The following MTMR7 variants were observed in gnomAD, a reference collection of about 807,000 sequenced individuals.
The protein encoded by MTMR7 is myotubularin related protein 7.
MTMR7 carries 76 observed loss-of-function variants against 81.2 expected under a neutral mutation model. The ratio of observed to expected loss-of-function variants is 0.94; its 90% CI spans 0.78 to 1.13. The LOEUF (loss-of-function observed/expected upper bound fraction) is 1.13. Among genes scored for constraint, MTMR7 ranks in the 50% most tolerant of loss-of-function variants. The probability of loss-of-function intolerance (pLI) is 0.00; values close to 1 mark genes in which losing one functional copy is unlikely to be tolerated. For synonymous variants in MTMR7, 372 were observed against 289.8 expected (o/e 1.28, Z -2.88); for missense variants, 1,044 against 820.0 (o/e 1.27, Z -3.34).
chr8:17,318,933 C>G (rs149482912), intron 7 of MTMR7, among the ~76,000 whole-genome samples: 25 of 152,374 alleles, frequency 1.6e-4, no homozygotes, highest in Admixed American at 3.3e-4. Context: ...CTCCTGAAAA[C>G]AAGAGCACTG....
intron 7 of MTMR7, among the ~76,000 whole-genome samples, chr8:17,323,152 C>T (rs1393540944): frequency 1.3e-5 from 2 of 151,484 alleles, no homozygotes; most frequent in Non-Finnish European, 2.9e-5. Context: ...TTCACCATGT[C>T]GGACAGCAGG....
chr8:17,372,984 A>T, intron 2 of MTMR7, 134 bp downstream of exon 2: 2 of 1,064,314 alleles, frequency 1.9e-6, no homozygotes, highest in Non-Finnish European at 2.7e-6. Flanking sequence ...CCAAACACAC[A>T]TTCCAGAAAC....
chr8:17,363,517 G>T (rs897998434), intron 3 of MTMR7, among the ~76,000 whole-genome samples: 1 of 152,178 alleles, frequency 6.6e-6, no homozygotes, highest in African/African-American at 2.4e-5. Context: ...ATTACAGCAA[G>T]AATAATTTAT....
intron 5 of MTMR7, among the ~76,000 whole-genome samples, chr8:17,346,924 G>A (rs1186193819): frequency 6.7e-6 from 1 of 149,430 alleles, no homozygotes; most frequent in African/African-American, 2.5e-5. Context: ...GCAAGGGGCG[G>A]CGCCTCACAC....
chr8:17,346,683 G>A (rs1819561006), intron 5 of MTMR7, among the ~76,000 whole-genome samples: 1 of 151,748 alleles, frequency 6.6e-6, no homozygotes, highest in African/African-American at 2.4e-5. Context: ...TAGGCACACT[G>A]TGCTCACTTT....
chr8:17,403,325 G>A (rs1448223643), intron 1 of MTMR7, among the ~76,000 whole-genome samples: 1 of 152,138 alleles, frequency 6.6e-6, no homozygotes, highest in African/African-American at 2.4e-5. Flanking sequence ...ACCATTTATT[G>A]AAGAGACTGT....
At chr8:17,315,880 G>A (rs1490838704) in intron 7 of MTMR7, among the ~76,000 whole-genome samples, 1 of 152,106 alleles carries the variant, frequency 6.6e-6, no homozygotes, top group African/African-American at 2.4e-5. Flanking sequence ...AGACTGAGTG[G>A]CACATGCCTA....
chr8:17,339,553 G>A (rs569608015), intron 6 of MTMR7, among the ~76,000 whole-genome samples: 1 of 152,120 alleles, frequency 6.6e-6, no homozygotes, highest in African/African-American at 2.4e-5. Context: ...CACTTTCAAG[G>A]TTCCTCCATG....
chr8:17,368,318 G>A (rs1346097986), intron 3 of MTMR7, among the ~76,000 whole-genome samples: 2 of 152,170 alleles, frequency 1.3e-5, no homozygotes, highest in Admixed American at 1.3e-4. Context: ...CCTGTCTGCG[G>A]CCCAGGGGTT....
intron 1 of MTMR7, among the ~76,000 whole-genome samples, chr8:17,389,121 T>A (rs915367701): frequency 6.6e-6 from 1 of 152,046 alleles, no homozygotes; most frequent in East Asian, 1.9e-4. Flanking sequence ...ACTCACCAAG[T>A]GCAACATACT....
chr8:17,375,133 G>A (rs975841644), intron 1 of MTMR7, among the ~76,000 whole-genome samples: 1 of 152,022 alleles, frequency 6.6e-6, no homozygotes, highest in African/African-American at 2.4e-5. Flanking sequence ...ATCTAGTTTG[G>A]GAGTCTCAGA....
chr8:17,383,145 T>A (rs1483381314), intron 1 of MTMR7, among the ~76,000 whole-genome samples: 1 of 152,124 alleles, frequency 6.6e-6, no homozygotes, highest in East Asian at 1.9e-4. Context: ...GGGAGGATGG[T>A]TCTGGGCATC....
At chr8:17,390,871 C>T (rs150485570) in intron 1 of MTMR7, among the ~76,000 whole-genome samples, 1,736 of 152,284 alleles carry the variant, frequency 0.011, 18 homozygotes, top group Middle Eastern at 0.071. Context: ...AGTCACCTCC[C>T]GTGAGGTCCC....
rs186312949 is a variant in MTMR7 at position 17,297,418 on chromosome 8, C to G, written c.*2444G>C. The G allele has an allele frequency of 2.0e-5, 3 of 152,070 alleles. No individual in the cohort carries two copies. The East Asian group carries it at 5.8e-4, about 29-fold the overall frequency. 9.4% of individuals were successfully genotyped at this position (152,070 alleles called of 1,614,324 possible). A position where few individuals can be genotyped will look rare whatever the true frequency, so the allele number is the denominator to read the frequency against. ...CTTAAATTGAAGGACAGCTCAGATT[C>G]ATTTTTAGGAGAAGAAAGTAAACTA... On this transcript the variant is annotated 3_prime_UTR_variant, in exon 14 of 14. Coordinates refer to ENST00000180173, the MANE Select transcript of MTMR7 (RefSeq NM_004686.5).
chr8:17,406,292 C>T (rs1049940270), intron 1 of MTMR7, among the ~76,000 whole-genome samples: 2 of 151,846 alleles, frequency 1.3e-5, no homozygotes, highest in Admixed American at 6.6e-5. Context: ...TTTTGCAACC[C>T]AATAATTTAA....
intron 1 of MTMR7, among the ~76,000 whole-genome samples, chr8:17,384,853 T>G (rs561524996): frequency 6.6e-6 from 1 of 152,232 alleles, no homozygotes; most frequent in South Asian, 2.1e-4. Context: ...TAAAAAACCA[T>G]TGAAAGTCTT....
intron 1 of MTMR7, among the ~76,000 whole-genome samples, chr8:17,393,224 T>G (rs895129521): frequency 6.6e-6 from 1 of 152,166 alleles, no homozygotes; most frequent in African/African-American, 2.4e-5. Context: ...GACTTCCACA[T>G]GCAAAACAAT....
intron 1 of MTMR7, among the ~76,000 whole-genome samples, chr8:17,380,170 T>A (rs73208999): frequency 0.084 from 12,773 of 152,260 alleles, 688 homozygotes; most frequent in African/African-American, 0.14. Context: ...CTTCTGAAGG[T>A]AAGAGAACTG....
intron 1 of MTMR7, among the ~76,000 whole-genome samples, chr8:17,379,654 A>C (rs1820699951): frequency 6.6e-6 from 1 of 152,172 alleles, no homozygotes; most frequent in African/African-American, 2.4e-5. Flanking sequence ...TATTTACTTA[A>C]TGTTTAAAGA....
Sources: gnomAD v4.1 joint callset for allele counts (sites outside exome capture counted in the v4.1 genomes callset) on GRCh38, gnomAD v4.1.1 for gene constraint, MANE v1.5 for transcripts, NCBI Gene and HGNC (gene_info 2026-07-23, HGNC 2026-07-21) for gene names.